The following SYT13 variants were observed in gnomAD, a reference collection of about 807,000 sequenced individuals.
SYT13 encodes synaptotagmin 13.
A neutral mutation model predicts 38.6 loss-of-function variants in SYT13; 21 were observed. That is an observed-to-expected ratio of 0.54 (90% CI 0.39 to 0.78). SYT13 has a LOEUF of 0.78. Ranked by LOEUF, SYT13 falls within the 30% of genes least tolerant of loss-of-function variation. The pLI is 0.00. For missense variants in SYT13, 495 were observed against 548.7 expected (o/e 0.90, Z 0.98); for synonymous variants, 241 against 237.6 (o/e 1.01, Z -0.13).
At chr11:45,264,243 A>T (rs116014052) in intron 1 of SYT13, among the ~76,000 whole-genome samples, 2,021 of 152,034 alleles carry the variant, frequency 0.013, 42 homozygotes, top group African/African-American at 0.046. Context: ...CTATGATGAG[A>T]CCTCTCAGTG....
At chr11:45,261,461 G>A (rs1472160285) in intron 1 of SYT13, among the ~76,000 whole-genome samples, 1 of 152,054 alleles carries the variant, frequency 6.6e-6, no homozygotes, top group Non-Finnish European at 1.5e-5. Context: ...AGCTGGACAT[G>A]GTGGCAGGCG....
intron 1 of SYT13, 113 bp downstream of exon 1, chr11:45,285,912 G>T: frequency 8.7e-7 from 1 of 1,146,980 alleles, no homozygotes; most frequent in Non-Finnish European, 1.1e-6. Context: ...TCCCCTCCCC[G>T]CCAAGCTTTG....
At chr11:45,244,415 G>T (rs929560032) in intron 5 of SYT13, 59 bp from the exon 6 acceptor site, 19 of 1,557,110 alleles carry the variant, frequency 1.2e-5, no homozygotes, top group Middle Eastern at 4.3e-4. Flanking sequence ...GAGTTTCTGG[G>T]ATCTGGCAGG....
chr11:45,274,046 G>C (rs1854981092), intron 1 of SYT13, among the ~76,000 whole-genome samples: 1 of 152,350 alleles, frequency 6.6e-6, no homozygotes, highest in South Asian at 2.1e-4. Context: ...CAGAATGGCT[G>C]TGGTGATTTG....
intron 5 of SYT13, 52 bp downstream of exon 5, chr11:45,246,331 C>T (rs1854613180): frequency 6.2e-7 from 1 of 1,600,046 alleles, no homozygotes; most frequent in East Asian, 2.2e-5. Context: ...TCCCTCAGCA[C>T]ACACTCCCGG....
intron 3 of SYT13, among the ~76,000 whole-genome samples, chr11:45,253,174 A>G (rs1022672103): frequency 6.6e-5 from 10 of 152,114 alleles, no homozygotes; most frequent in African/African-American, 2.4e-4. Context: ...GGTGTTTTCA[A>G]TGCTTCACAA....
chr11:45,281,331 T>C (rs1250773155), intron 1 of SYT13, among the ~76,000 whole-genome samples: 1 of 152,048 alleles, frequency 6.6e-6, no homozygotes, highest in East Asian at 1.9e-4. Flanking sequence ...GATTGTAGAG[T>C]TTGATCACAT....
chr11:45,259,432 C>A (rs1314024507), intron 1 of SYT13, among the ~76,000 whole-genome samples: 3 of 152,202 alleles, frequency 2.0e-5, no homozygotes, highest in Non-Finnish European at 4.4e-5. Context: ...GAATGAAGTT[C>A]ACTCTGTGTT....
chr11:45,285,922 G>T, intron 1 of SYT13, 103 bp downstream of exon 1: 1 of 1,256,388 alleles, frequency 8.0e-7, no homozygotes, highest in Non-Finnish European at 1.0e-6. Context: ...GCCAAGCTTT[G>T]TCGCGCAAAG....
intron 1 of SYT13, among the ~76,000 whole-genome samples, chr11:45,285,449 T>G (rs1382606784): frequency 6.6e-6 from 1 of 152,110 alleles, no homozygotes; most frequent in Non-Finnish European, 1.5e-5. Context: ...TCCTCCCGGA[T>G]TCAGCTCTCT....
intron 1 of SYT13, among the ~76,000 whole-genome samples, chr11:45,279,701 T>C (rs1043527268): frequency 2.0e-5 from 3 of 152,224 alleles, no homozygotes; most frequent in Non-Finnish European, 4.4e-5. Context: ...AAATACTTCA[T>C]TGTGGTGGTG....
At chr11:45,285,535 TCTC>T (rs1855124067) in intron 1 of SYT13, among the ~76,000 whole-genome samples, 1 of 152,008 alleles carries the variant, frequency 6.6e-6, no homozygotes. Flanking sequence ...CATTACCTCT[TCTC>T]AGCTCTGGCA....
chr11:45,286,078 G>T lies in SYT13; in HGVS notation c.130C>A (p.Gln44Lys). The T allele has an allele frequency of 6.2e-7, 1 of 1,609,468 alleles. No individual in the cohort carries two copies. Reference protein sequence around the residue: ...HPKKGLLPRDQDPDLEKAKPS... With the variant: ...HPKKGLLPRDKDPDLEKAKPS... ...TTCGCCTTCTCCAGGTCGGGGTCCT[G>T]GTCCCGCGGCAGCAGCCCCTTCTTG... is the stretch of plus-strand genomic sequence containing the variant. Residue 44 changes from glutamine (Q) to lysine (K), a missense_variant, in exon 1 of 6, where the codon CAG becomes AAG. Physicochemically the swap from Gln to Lys is moderately conservative, Grantham distance 53. Transcript: ENST00000020926.
At chr11:45,254,497 C>G in intron 2 of SYT13, 93 bp from the exon 3 acceptor site, 1 of 1,510,016 alleles carries the variant, frequency 6.6e-7, no homozygotes, top group Non-Finnish European at 8.8e-7. Context: ...ATGCCAGGAA[C>G]CCAAACCCAA....
intron 1 of SYT13, among the ~76,000 whole-genome samples, chr11:45,260,827 C>G (rs879549766): frequency 6.6e-6 from 1 of 152,188 alleles, no homozygotes; most frequent in Admixed American, 6.5e-5. Flanking sequence ...TGCTTGCTCC[C>G]CCCACTGTGT....
At chr11:45,282,216 G>A (rs1295312335) in intron 1 of SYT13, among the ~76,000 whole-genome samples, 6 of 152,194 alleles carry the variant, frequency 3.9e-5, no homozygotes, top group African/African-American at 7.2e-5. Context: ...GTAGGCTGAT[G>A]ACAGAGAGGT....
chr11:45,278,837 C>T (rs1855039659), intron 1 of SYT13, among the ~76,000 whole-genome samples: 1 of 152,156 alleles, frequency 6.6e-6, no homozygotes, highest in Non-Finnish European at 1.5e-5. Context: ...GGTATGTGCT[C>T]ATCTCCCTGA....
At chr11:45,277,653 C>T (rs980326480) in intron 1 of SYT13, among the ~76,000 whole-genome samples, 1 of 152,154 alleles carries the variant, frequency 6.6e-6, no homozygotes, top group Non-Finnish European at 1.5e-5. Context: ...GCCACAGGAC[C>T]TTTGCACAGG....
chr11:45,254,170 C>A lies in SYT13; in HGVS notation c.544+100G>T, dbSNP rs532845738. ...GGGTCTGGTTGTTAGAGTCCTAATC[C>A]AGTGCTCTCTCCAGCTGCAGATGAT... On this transcript the variant is annotated intron_variant, in intron 3 of 5. Transcript: ENST00000020926. 1.3e-5 allele frequency: 17 copies of A among 1,358,178 alleles called. No homozygotes were observed. In the South Asian group the frequency reaches 2.3e-4, roughly 19 times the overall value. The allele number at this position is 1,358,178 out of a possible 1,614,324, so 84.1% of individuals were successfully genotyped here. A position where few individuals can be genotyped will look rare whatever the true frequency, so the allele number is the denominator to read the frequency against.
Sources: allele counts gnomAD v4.1 joint callset (sites outside exome capture counted in the v4.1 genomes callset), GRCh38; gene constraint gnomAD v4.1.1; transcripts MANE v1.5; gene names NCBI Gene and HGNC (gene_info 2026-07-23, HGNC 2026-07-21).